DAB1: variants seen among roughly 807,000 people sequenced by gnomAD.
The protein encoded by DAB1 is disabled homolog 1.
A neutral mutation model predicts 64.6 loss-of-function variants in DAB1; 15 were observed. The observed-to-expected ratio is 0.23, with a 90% CI of 0.16 to 0.36. DAB1 has a LOEUF of 0.36. Among genes scored for constraint, DAB1 ranks in the 10% least tolerant of loss-of-function variants. DAB1 has a pLI of 1.00. For missense variants in DAB1, 596 were observed against 706.7 expected (o/e 0.84, Z 1.78); for synonymous variants, 235 against 251.9 (o/e 0.93, Z 0.64).
At chr1:57,781,114 CTCTCTCTCTCTCTATA>C (rs1193731175) in intron 6 of DAB1, among the ~76,000 whole-genome samples, 10 of 62,744 alleles carry the variant, frequency 1.6e-4, no homozygotes, top group Admixed American at 6.8e-4. Flanking sequence ...CTCTCTCTCT[CTCTCTCTCTCTCTATA>C]TATATATATA....
intron 2 of DAB1, among the ~76,000 whole-genome samples, chr1:57,252,343 A>G (rs992358155): frequency 3.3e-5 from 5 of 152,224 alleles, no homozygotes; most frequent in African/African-American, 1.2e-4. Context: ...CTTACCCTGA[A>G]GAAGTCTAGA....
intron 5 of DAB1, among the ~76,000 whole-genome samples, chr1:58,007,795 A>C (rs1213918937): frequency 6.6e-6 from 1 of 152,214 alleles, no homozygotes; most frequent in Non-Finnish European, 1.5e-5. Flanking sequence ...AAAAATAGGA[A>C]AATAGACAGT....
intron 5 of DAB1, among the ~76,000 whole-genome samples, chr1:58,082,609 A>C (rs973607952): frequency 1.3e-5 from 2 of 152,082 alleles, no homozygotes; most frequent in Non-Finnish European, 2.9e-5. Context: ...CATCACAGGA[A>C]ACTTTCTGGA....
At chr1:58,226,225 G>A (rs1659474586) in intron 4 of DAB1, among the ~76,000 whole-genome samples, 1 of 152,158 alleles carries the variant, frequency 6.6e-6, no homozygotes, top group Admixed American at 6.5e-5. Context: ...GTGTGGCATG[G>A]AAGAGATGCT....
At chr1:57,699,612 T>C (rs1291561356) in intron 6 of DAB1, among the ~76,000 whole-genome samples, 3 of 151,846 alleles carry the variant, frequency 2.0e-5, no homozygotes, top group African/African-American at 7.3e-5. Flanking sequence ...AGAGGAAAAA[T>C]TGTCATTAGA....
intron 7 of DAB1, among the ~76,000 whole-genome samples, chr1:57,637,331 T>C (rs1266392490): frequency 6.6e-6 from 1 of 152,190 alleles, no homozygotes; most frequent in Non-Finnish European, 1.5e-5. Context: ...AATGGAGTGT[T>C]GTCAGCGTAA....
intron 6 of DAB1, among the ~76,000 whole-genome samples, chr1:57,733,498 C>A (rs1323081306): frequency 6.6e-6 from 1 of 151,926 alleles, no homozygotes; most frequent in Non-Finnish European, 1.5e-5. Flanking sequence ...TTATGCTAAG[C>A]CAGTTTATCT....
chr1:58,534,192 A>C, intron 1 of DAB1: 1 of 871,882 alleles, frequency 1.1e-6, no homozygotes, highest in Non-Finnish European at 2.0e-6. Context: ...TGGGGAATCA[A>C]CCACATGAAT....
At chr1:57,049,282 T>G (rs2100518108) in intron 9 of DAB1, among the ~76,000 whole-genome samples, 1 of 151,098 alleles carries the variant, frequency 6.6e-6, no homozygotes, top group South Asian at 2.1e-4. Flanking sequence ...ACCCTGTCTC[T>G]ACTAAAAATA....
At chr1:57,788,478 A>T (rs949533674) in intron 6 of DAB1, among the ~76,000 whole-genome samples, 1 of 152,236 alleles carries the variant, frequency 6.6e-6, no homozygotes, top group African/African-American at 2.4e-5. Flanking sequence ...AAAAGGCAAA[A>T]CTGTACAGAT....
At chr1:58,064,782 C>CG (rs1433245716) in intron 5 of DAB1, among the ~76,000 whole-genome samples, 3 of 152,060 alleles carry the variant, frequency 2.0e-5, no homozygotes, top group African/African-American at 7.2e-5. Context: ...AGTGCAGTGG[C>CG]GTGATCTCGG....
chr1:57,047,524 C>A (rs1648666695), intron 9 of DAB1, among the ~76,000 whole-genome samples: 1 of 152,120 alleles, frequency 6.6e-6, no homozygotes, highest in Non-Finnish European at 1.5e-5. Flanking sequence ...CAGATCCACA[C>A]TCTGAGGAAG....
At chr1:58,492,310 C>T (rs1023752186) in intron 3 of DAB1, among the ~76,000 whole-genome samples, 7 of 151,906 alleles carry the variant, frequency 4.6e-5, no homozygotes, top group African/African-American at 1.7e-4. Context: ...CAAAAGAAAG[C>T]AGGAAAGATC....
chr1:57,198,655 A>T (rs61765566), intron 2 of DAB1, among the ~76,000 whole-genome samples: 42,137 of 134,392 alleles, frequency 0.31, 6,469 homozygotes, highest in Middle Eastern at 0.36. Context: ...TCTCTCACAC[A>T]CACACACACA....
At chr1:58,286,245 A>G (rs557516330) in intron 4 of DAB1, among the ~76,000 whole-genome samples, 1 of 152,370 alleles carries the variant, frequency 6.6e-6, no homozygotes, top group African/African-American at 2.4e-5. Context: ...CATTCAGGAC[A>G]TAGACATGGG....
intron 7 of DAB1, among the ~76,000 whole-genome samples, chr1:57,642,323 C>T (rs6675237): frequency 0.32 from 49,020 of 152,054 alleles, 8,460 homozygotes; most frequent in African/African-American, 0.43. Flanking sequence ...ATTCTTTATC[C>T]ATTGGAAGCT....
intron 9 of DAB1, among the ~76,000 whole-genome samples, chr1:57,033,171 TACACAC>T (rs141683665): frequency 9.4e-5 from 14 of 149,362 alleles, no homozygotes; most frequent in Admixed American, 4.0e-4. Flanking sequence ...CACTTTTGTT[TACACAC>T]ACACACACAC....
intron 1 of DAB1, among the ~76,000 whole-genome samples, chr1:58,538,016 G>A (rs1176151642): frequency 6.6e-6 from 1 of 152,162 alleles, no homozygotes; most frequent in African/African-American, 2.4e-5. Flanking sequence ...TCGCTTTTGG[G>A]TGCCAACACC....
intron 4 of DAB1, among the ~76,000 whole-genome samples, chr1:57,099,213 T>C (rs1654449540): frequency 6.6e-6 from 1 of 152,256 alleles, no homozygotes; most frequent in Non-Finnish European, 1.5e-5. Flanking sequence ...CTTGTGCTTA[T>C]GGTGTTTATA....
Sources: gnomAD v4.1 joint callset for allele counts (sites outside exome capture counted in the v4.1 genomes callset) on GRCh38, gnomAD v4.1.1 for gene constraint, MANE v1.5 for transcripts, NCBI Gene and HGNC (gene_info 2026-07-23, HGNC 2026-07-21) for gene names.